The following DDX46 variants were observed in gnomAD, a reference collection of about 807,000 sequenced individuals.
The protein encoded by DDX46 is probable ATP-dependent RNA helicase DDX46.
In DDX46, 30 loss-of-function variants were observed where a neutral mutation model predicts 134.9. The observed-to-expected ratio is 0.22, with a 90% CI of 0.17 to 0.30. The LOEUF is 0.30. Among genes scored for constraint, DDX46 ranks in the 10% least tolerant of loss-of-function variants. DDX46 has a pLI of 1.00. For synonymous variants in DDX46, 415 were observed against 404.1 expected (o/e 1.03, Z -0.32); for missense variants, 622 against 1,248.7 (o/e 0.50, Z 7.56).
chr5:134,790,299 A>G, intron 12 of DDX46, 171 bp from the exon 13 acceptor site: 1 of 635,056 alleles, frequency 1.6e-6, no homozygotes, highest in Non-Finnish European at 2.8e-6. Flanking sequence ...CTAGATTAAG[A>G]CATTGTAGAT....
chr5:134,802,159 CTTT>C (rs542615882), intron 15 of DDX46, among the ~76,000 whole-genome samples: 1 of 73,280 alleles, frequency 1.4e-5, no homozygotes, highest in African/African-American at 6.0e-5. Flanking sequence ...TAATTTCTTT[CTTT>C]TTTTTTTTTT....
chr5:134,766,830 G>A, intron 2 of DDX46, 87 bp from the exon 3 acceptor site: 1 of 1,449,790 alleles, frequency 6.9e-7, no homozygotes, highest in South Asian at 1.4e-5. Flanking sequence ...TAGTGATTAA[G>A]ATTCTTTCAA....
At chr5:134,778,738 T>G (rs1352532680) in intron 6 of DDX46, among the ~76,000 whole-genome samples, 1 of 151,956 alleles carries the variant, frequency 6.6e-6, no homozygotes, top group African/African-American at 2.4e-5. Flanking sequence ...TATGCCCGGC[T>G]AAGTTTTGTA....
intron 15 of DDX46, among the ~76,000 whole-genome samples, chr5:134,797,416 T>C (rs754065692): frequency 3.9e-5 from 6 of 152,174 alleles, no homozygotes; most frequent in Non-Finnish European, 7.4e-5. Flanking sequence ...CCTACCAATC[T>C]ACCTCACTTT....
intron 12 of DDX46, 126 bp from the exon 13 acceptor site, chr5:134,790,344 T>G (rs1358357111): frequency 1.3e-6 from 1 of 760,704 alleles, no homozygotes; most frequent in Non-Finnish European, 2.1e-6. Flanking sequence ...GATACCTAAC[T>G]TACCCCTCTG....
intron 1 of DDX46, 97 bp downstream of exon 1, chr5:134,759,052 G>C: frequency 6.5e-7 from 1 of 1,545,604 alleles, no homozygotes; most frequent in Non-Finnish European, 8.7e-7. Flanking sequence ...GGCCTGGCGC[G>C]GCCCCACGTG....
intron 8 of DDX46, among the ~76,000 whole-genome samples, chr5:134,782,484 A>G (rs1335979825): frequency 6.6e-6 from 1 of 152,064 alleles, no homozygotes; most frequent in Non-Finnish European, 1.5e-5. Context: ...TACTAAAAAA[A>G]TACAAAAATA....
intron 3 of DDX46, among the ~76,000 whole-genome samples, chr5:134,768,700 G>A (rs1399967727): frequency 6.6e-6 from 1 of 152,068 alleles, no homozygotes; most frequent in East Asian, 1.9e-4. Flanking sequence ...ATTATGAGAT[G>A]CCGTAAGTTG....
intron 15 of DDX46, among the ~76,000 whole-genome samples, chr5:134,797,898 C>T (rs1580802807): frequency 6.6e-6 from 1 of 151,914 alleles, no homozygotes; most frequent in Non-Finnish European, 1.5e-5. Flanking sequence ...CTGCAACCTC[C>T]GCCTCCCACG....
chr5:134,759,338 T>A (rs1441673986), intron 1 of DDX46, among the ~76,000 whole-genome samples: 1 of 152,224 alleles, frequency 6.6e-6, no homozygotes, highest in African/African-American at 2.4e-5. Flanking sequence ...TGTATTTTAG[T>A]TCTTTGTGCG....
At chr5:134,765,656 C>G (rs1753545337) in intron 2 of DDX46, among the ~76,000 whole-genome samples, 1 of 152,070 alleles carries the variant, frequency 6.6e-6, no homozygotes, top group South Asian at 2.1e-4. Flanking sequence ...TAGTGGCCTC[C>G]CAAAGGGTTG....
chr5:134,823,157 CTTTTTTT>C (rs201053941), intron 21 of DDX46, among the ~76,000 whole-genome samples: 3,118 of 111,196 alleles, frequency 0.028, 52 homozygotes, highest in African/African-American at 0.068. Flanking sequence ...TTAATTTCAT[CTTTTTTT>C]TTTTTTTTTT....
At chr5:134,808,315 C>A (rs1194603780) in intron 16 of DDX46, among the ~76,000 whole-genome samples, 1 of 152,140 alleles carries the variant, frequency 6.6e-6, no homozygotes, top group Non-Finnish European at 1.5e-5. Context: ...ATCATAGTAG[C>A]CTAGCCTACC....
At chr5:134,782,518 G>GTT (rs58196058) in intron 8 of DDX46, among the ~76,000 whole-genome samples, 2 of 147,984 alleles carry the variant, frequency 1.4e-5, no homozygotes, top group African/African-American at 5.0e-5. Context: ...GTTTTGTTTT[G>GTT]TTTTTTTTTT....
intron 10 of DDX46, 38 bp from the exon 11 acceptor site, chr5:134,785,426 AT>A: frequency 6.3e-7 from 1 of 1,598,212 alleles, no homozygotes; most frequent in Non-Finnish European, 8.5e-7. Flanking sequence ...AGCCTTAAGA[AT>A]TTTGGTGGTT....
At position 134,767,519 on chromosome 5, in the gene DDX46, T is replaced by C. The variant is rs1753613222; in HGVS notation, c.350+459T>C. Reference sequence around the variant, plus strand: ...AATATCCCAGCTAATTTTTATGTTTTTAGTGGAGATGGGGTTTTGGCATGT... The same window carrying C: ...AATATCCCAGCTAATTTTTATGTTTCTAGTGGAGATGGGGTTTTGGCATGT... On this transcript the variant is annotated intron_variant, in intron 3 of 22. Coordinates refer to ENST00000452510, the MANE Select transcript of DDX46 (RefSeq NM_001300860.2). 2.6e-5 allele frequency among the ~76,000 whole-genome samples: 4 copies of C among 152,004 alleles called. No homozygotes were observed. The South Asian group carries it at 8.3e-4, about 32-fold the overall frequency.
chr5:134,791,191 T>A (rs948701275), intron 13 of DDX46, among the ~76,000 whole-genome samples: 1 of 152,242 alleles, frequency 6.6e-6, no homozygotes, highest in Non-Finnish European at 1.5e-5. Flanking sequence ...TAGCACGTCA[T>A]TTACGTTTAC....
intron 1 of DDX46, 97 bp from the exon 2 acceptor site, chr5:134,763,807 A>T: frequency 1.4e-6 from 2 of 1,384,470 alleles, no homozygotes; most frequent in African/African-American, 1.5e-5. Context: ...TTTGAGTGTT[A>T]AATTTGTCTG....
At position 134,787,693 on chromosome 5, in the gene DDX46, C is replaced by G. The variant is rs1580793856; in HGVS notation, c.1465-820C>G. On this transcript the variant is annotated intron_variant, in intron 11 of 22. Coordinates refer to ENST00000452510, the MANE Select transcript of DDX46 (RefSeq NM_001300860.2). Reference sequence around the variant, plus strand: ...GATGTTAAGGGACTTCTGGTATTTTCCATTCCATTTCATTTAAAAAATGCT... The same window carrying G: ...GATGTTAAGGGACTTCTGGTATTTTGCATTCCATTTCATTTAAAAAATGCT... 2.6e-5 allele frequency among the ~76,000 whole-genome samples: 4 copies of G among 152,138 alleles called. No individual in the cohort carries two copies. In the East Asian group the frequency reaches 5.8e-4, roughly 22 times the overall value.
Sources: allele counts gnomAD v4.1 joint callset (sites outside exome capture counted in the v4.1 genomes callset), GRCh38; gene constraint gnomAD v4.1.1; transcripts MANE v1.5; gene names NCBI Gene and HGNC (gene_info 2026-07-23, HGNC 2026-07-21).